The following UBXN2A variants were observed in gnomAD, a reference collection of about 807,000 sequenced individuals.
UBXN2A encodes the protein UBX domain-containing protein 2A.
UBXN2A carries 28 observed loss-of-function variants against 28.4 expected under a neutral mutation model. The ratio of observed to expected loss-of-function variants is 0.99; its 90% CI spans 0.73 to 1.35. The LOEUF (loss-of-function observed/expected upper bound fraction) is 1.35. UBXN2A is among the 40% of genes most tolerant of loss of function. The pLI, the probability that UBXN2A is intolerant of heterozygous loss-of-function variation, is 0.00. For synonymous variants in UBXN2A, 97 were observed against 103.6 expected (o/e 0.94, Z 0.39); for missense variants, 253 against 297.9 (o/e 0.85, Z 1.11).
rs1008509389 is a variant in UBXN2A, at chr2:24,001,245, C to T, written c.*1378C>T. 2.6e-5 allele frequency: 4 copies of T among 152,216 alleles called. No homozygotes were observed. The highest frequency in any genetic ancestry group is 9.7e-5 in the African/African-American group (4 of 41,448). 9.4% of individuals were successfully genotyped at this position (152,216 alleles called of 1,614,324 possible). A position where few individuals can be genotyped will look rare whatever the true frequency, so the allele number is the denominator to read the frequency against. On this transcript the variant is annotated 3_prime_UTR_variant, in exon 7 of 7. Transcript: ENST00000309033. ...CCTCAGGGGATCTGCCTGCCTAGGC[C>T]TCCTGAAGTGCTGGGATTACAAGTG...
intron 1 of UBXN2A, among the ~76,000 whole-genome samples, chr2:23,952,971 T>G (rs2150822412): frequency 6.6e-6 from 1 of 152,100 alleles, no homozygotes; most frequent in East Asian, 1.9e-4. Flanking sequence ...TAGTTGTTTT[T>G]TTTTTTTTTA....
intron 6 of UBXN2A, among the ~76,000 whole-genome samples, chr2:23,985,965 G>T (rs1708111137): frequency 1.3e-5 from 2 of 151,760 alleles, no homozygotes; most frequent in South Asian, 4.2e-4. Flanking sequence ...TGCAAGCCTG[G>T]GTGACATTGA....
At chr2:23,985,846 T>A (rs1289478336) in intron 6 of UBXN2A, among the ~76,000 whole-genome samples, 1 of 152,018 alleles carries the variant, frequency 6.6e-6, no homozygotes, top group African/African-American at 2.4e-5. Flanking sequence ...AAAATTTTTT[T>A]AAATTAGCTG....
At chr2:23,973,050 C>T (rs1421338802) in intron 3 of UBXN2A, among the ~76,000 whole-genome samples, 1 of 152,138 alleles carries the variant, frequency 6.6e-6, no homozygotes, top group East Asian at 1.9e-4. Context: ...TATTCCAACT[C>T]ACTCTGTCAC....
rs1316079583 is a variant in UBXN2A at position 24,000,092 on chromosome 2, A to G, written c.*225A>G. 1.0e-5 allele frequency: 5 copies of G among 480,408 alleles called. No homozygotes were observed. The highest frequency in any genetic ancestry group is 4.5e-5 in the African/African-American group (2 of 44,146). The allele number at this position is 480,408 out of a possible 1,614,324, so 29.8% of individuals were successfully genotyped here. A position where few individuals can be genotyped will look rare whatever the true frequency, so the allele number is the denominator to read the frequency against. On this transcript the variant is annotated 3_prime_UTR_variant, in exon 7 of 7. Transcript: ENST00000309033. ...TCTCCAAAAGACTACCCAGAAAAAT[A>G]GACTTATTTTCAAATACCAGTTATC... is the stretch of plus-strand genomic sequence containing the variant.
chr2:23,959,934 T>G (rs1361528160), intron 2 of UBXN2A, among the ~76,000 whole-genome samples: 2 of 152,084 alleles, frequency 1.3e-5, no homozygotes, highest in Non-Finnish European at 2.9e-5. Flanking sequence ...AAATTTAGGG[T>G]GATGGGAACC....
chr2:23,943,351 G>A lies in UBXN2A; in HGVS notation c.-15+2703G>A, dbSNP rs150555576. Among the ~76,000 whole-genome samples, 1,174 of 152,238 alleles carry A rather than the reference G, an allele frequency of 7.7e-3. 6 individuals are homozygous for A. The highest frequency in any genetic ancestry group is 0.022 in the South Asian group (105 of 4,816). ...GAGGAGACCACCTAGAGTTGATGGT[G>A]GTTGGGACTAGAATTGTGGCAATGA... On this transcript the variant is annotated intron_variant, in intron 1 of 6. Coordinates refer to ENST00000309033, the MANE Select transcript of UBXN2A (RefSeq NM_181713.4).
At chr2:23,978,444 C>T (rs1707762776) in intron 4 of UBXN2A, among the ~76,000 whole-genome samples, 1 of 151,704 alleles carries the variant, frequency 6.6e-6, no homozygotes, top group African/African-American at 2.4e-5. Flanking sequence ...GAGATCGAGA[C>T]CATCCTGGCT....
Position 23,960,659 on chromosome 2 carries a change from A to C in UBXN2A, c.41+2304A>C, listed in dbSNP as rs112447895. Among the ~76,000 whole-genome samples, 1,099 of 152,012 alleles carry C rather than the reference A, an allele frequency of 7.2e-3. 17 individuals carry two copies. The highest frequency in any genetic ancestry group is 0.024 in the African/African-American group (986 of 41,476). ...AACTGCTTTCTTTTTTTGAGACGGA[A>C]TCTCACTCTGTTGCCCAGGCTGGAG... On this transcript the variant is annotated intron_variant, in intron 2 of 6. Coordinates refer to ENST00000309033, the MANE Select transcript of UBXN2A (RefSeq NM_181713.4).
chr2:23,991,113 G>A (rs1026265509), intron 6 of UBXN2A, among the ~76,000 whole-genome samples: 4 of 152,004 alleles, frequency 2.6e-5, no homozygotes, highest in African/African-American at 9.7e-5. Flanking sequence ...AAAAAATTGT[G>A]TTTTTCTTCC....
chr2:23,995,488 G>A (rs1708494274), intron 6 of UBXN2A, among the ~76,000 whole-genome samples: 1 of 151,800 alleles, frequency 6.6e-6, no homozygotes, highest in Non-Finnish European at 1.5e-5. Flanking sequence ...TCAGGAGATC[G>A]AGACCATCCT....
At chr2:23,930,784 C>T (rs1388085643) in intron 1 of UBXN2A, among the ~76,000 whole-genome samples, 10 of 151,848 alleles carry the variant, frequency 6.6e-5, no homozygotes, top group Non-Finnish European at 1.3e-4. Flanking sequence ...TTAGAGAGGC[C>T]AAGGTAGGAG....
chr2:23,944,257 A>T lies in UBXN2A; in HGVS notation c.-15+3609A>T, dbSNP rs538793932. 4.1e-5 allele frequency: 66 copies of T among 1,604,136 alleles called. No individual in the cohort carries two copies. In the African/African-American group the frequency reaches 8.2e-4, roughly 20 times the overall value. On this transcript the variant is annotated intron_variant, in intron 1 of 6. Transcript: ENST00000309033. Reference sequence around the variant, plus strand: ...AATGGGATCCAACACTTGATGTGGGACCTAGGAAAAGGCCTGAAGATTCCC... The same window carrying T: ...AATGGGATCCAACACTTGATGTGGGTCCTAGGAAAAGGCCTGAAGATTCCC...
intron 2 of UBXN2A, among the ~76,000 whole-genome samples, chr2:23,964,189 A>G (rs889754096): frequency 6.6e-6 from 1 of 151,568 alleles, no homozygotes; most frequent in African/African-American, 2.4e-5. Flanking sequence ...TATATAATAC[A>G]TACCCAAAAT....
intron 1 of UBXN2A, among the ~76,000 whole-genome samples, 168 bp downstream of exon 1, chr2:23,940,816 C>T (rs889452742): frequency 6.6e-6 from 1 of 152,070 alleles, no homozygotes; most frequent in East Asian, 1.9e-4. Flanking sequence ...CGGGAAGGGG[C>T]GCCGGCGGCG....
At chr2:23,993,805 A>C (rs1308119612) in intron 6 of UBXN2A, among the ~76,000 whole-genome samples, 1 of 150,852 alleles carries the variant, frequency 6.6e-6, no homozygotes, top group African/African-American at 2.4e-5. Context: ...CTCCTGTCTC[A>C]GCTTCCCAAG....
rs147957646 is a variant in UBXN2A, at chr2:23,949,249, A to T, written c.-15+8601A>T. 1.7e-3 allele frequency among the ~76,000 whole-genome samples: 248 copies of T among 150,258 alleles called. 2 individuals are homozygous for T. Among genetic ancestry groups the T allele is most frequent in the African/African-American group, 5.8e-3 (237 of 40,860 alleles). On this transcript the variant is annotated intron_variant, in intron 1 of 6. Transcript: ENST00000309033. ...AGTGCCGGGATTACAGGCATGAGCCACCACACCCAACCCTCTTGTAGCTTT... is the reference window on the plus strand; with the variant it reads ...AGTGCCGGGATTACAGGCATGAGCCTCCACACCCAACCCTCTTGTAGCTTT...
At chr2:23,971,643 C>T (rs1423979575) in intron 3 of UBXN2A, among the ~76,000 whole-genome samples, 2 of 152,110 alleles carry the variant, frequency 1.3e-5, no homozygotes, top group South Asian at 2.1e-4. Flanking sequence ...CACACACCAC[C>T]ATGCCCAGCT....
At chr2:23,968,142 G>A (rs1267901533) in intron 2 of UBXN2A, among the ~76,000 whole-genome samples, 4 of 152,198 alleles carry the variant, frequency 2.6e-5, no homozygotes, top group Non-Finnish European at 4.4e-5. Context: ...ATTAAGAGCA[G>A]AGACATTGGT....
Sources: gnomAD v4.1 joint callset for allele counts (sites outside exome capture counted in the v4.1 genomes callset) on GRCh38, gnomAD v4.1.1 for gene constraint, MANE v1.5 for transcripts, NCBI Gene and HGNC (gene_info 2026-07-23, HGNC 2026-07-21) for gene names.